USH2A: variants seen among roughly 807,000 people sequenced by gnomAD.
USH2A encodes the protein Usher syndrome 2A (autosomal recessive, mild).
A neutral mutation model predicts 538.9 loss-of-function variants in USH2A; 443 were observed. The observed-to-expected ratio is 0.82, with a 90% CI of 0.76 to 0.89. The LOEUF is 0.89. Ranked by LOEUF, USH2A falls within the 40% of genes least tolerant of loss-of-function variation. The probability of loss-of-function intolerance (pLI) is 0.00; values close to 1 mark genes in which losing one functional copy is unlikely to be tolerated. For missense variants in USH2A, 6,633 were observed against 6,324.8 expected, an observed-to-expected ratio of 1.05 and a Z score of -1.65; for synonymous variants, 2,413 against 2,273.5, an observed-to-expected ratio of 1.06 and a Z score of -1.75.
At chr1:216,405,606 A>G (rs146653097) in intron 3 of USH2A, among the ~76,000 whole-genome samples, 21 of 152,360 alleles carry the variant, frequency 1.4e-4, no homozygotes, top group African/African-American at 4.1e-4. Context: ...GTGGGATTCT[A>G]AAATGGAACA....
At chr1:215,830,177 A>G (rs766485159) in intron 47 of USH2A, among the ~76,000 whole-genome samples, 1 of 152,168 alleles carries the variant, frequency 6.6e-6, no homozygotes, top group Non-Finnish European at 1.5e-5. Flanking sequence ...GAACTAGGGA[A>G]GCAAAATCCT....
At position 215,999,039 on chromosome 1, in the gene USH2A, T is replaced by C. The variant is rs765627570; in HGVS notation, c.6505A>G (p.Ile2169Val). 1 of 1,611,694 alleles carries C rather than the reference T, an allele frequency of 6.2e-7. No homozygotes were observed. The highest frequency in any genetic ancestry group is 2.2e-5 in the East Asian group (1 of 44,754). Residue 2169 changes from isoleucine to valine, a missense_variant, in exon 34 of 72, where the codon ATA becomes GTA. Coordinates refer to ENST00000307340, the MANE Select transcript of USH2A (RefSeq NM_206933.4). ...IHIQWKQPRKISGILERYVLY... is the reference protein window; with the variant it reads ...IHIQWKQPRKVSGILERYVLY... ...ACATAGCGTTCCAGAATCCCACTTA[T>C]TTTTCTTGGTTGTTTCCACCTGGGA...
intron 32 of USH2A, among the ~76,000 whole-genome samples, chr1:216,040,256 T>G (rs2030216580): frequency 6.6e-6 from 1 of 152,036 alleles, no homozygotes; most frequent in Non-Finnish European, 1.5e-5. Context: ...GATGATACAT[T>G]TGAAAACACA....
Position 216,014,470 on chromosome 1 carries a change from TGA to T in USH2A, c.6326-13910_6326-13909del, listed in dbSNP as rs1668658791. On this transcript the variant is annotated intron_variant, in intron 32 of 71. Coordinates refer to ENST00000307340, the MANE Select transcript of USH2A (RefSeq NM_206933.4). The stretch of plus-strand genomic sequence containing the variant: ...ATTTGGTAATATGTCTCTATAGATG[TGA>T]TTAGGCACTTCAAGGGCAACACAAA... Among the ~76,000 whole-genome samples the T allele has an allele frequency of 2.6e-5, 4 of 152,300 alleles. No individual in the cohort carries two copies. The South Asian group carries it at 8.3e-4, about 32-fold the overall frequency.
intron 47 of USH2A, among the ~76,000 whole-genome samples, chr1:215,833,151 TCAATG>T (rs1663372011): frequency 6.6e-6 from 1 of 151,942 alleles, no homozygotes; most frequent in Admixed American, 6.6e-5. Flanking sequence ...ATCCACAAAT[TCAATG>T]CAGTTCTAAT....
At chr1:215,842,988 A>C (rs1276657416) in intron 46 of USH2A, among the ~76,000 whole-genome samples, 1 of 151,246 alleles carries the variant, frequency 6.6e-6, no homozygotes, top group Non-Finnish European at 1.5e-5. Flanking sequence ...CATTTAAATG[A>C]AAAAAAAAGA....
chr1:216,360,883 T>C (rs1235517650), intron 4 of USH2A, among the ~76,000 whole-genome samples: 1 of 152,072 alleles, frequency 6.6e-6, no homozygotes, highest in East Asian at 1.9e-4. Flanking sequence ...TACAAATGAG[T>C]AATTTAAATC....
chr1:216,327,730 T>C (rs1250733054), intron 4 of USH2A, 76 bp from the exon 5 acceptor site: 3 of 1,553,538 alleles, frequency 1.9e-6, no homozygotes, highest in Non-Finnish European at 1.8e-6. Context: ...TTAAGTGATA[T>C]TCCTTTGAAG....
At chr1:216,023,773 AAATT>A (rs555450274) in intron 32 of USH2A, among the ~76,000 whole-genome samples, 1 of 151,840 alleles carries the variant, frequency 6.6e-6, no homozygotes, top group Non-Finnish European at 1.5e-5. Flanking sequence ...TGTTAGCTAA[AAATT>A]AATAAAAGGG....
chr1:216,280,795 C>G (rs1480657516), intron 11 of USH2A, among the ~76,000 whole-genome samples: 2 of 152,162 alleles, frequency 1.3e-5, no homozygotes, highest in East Asian at 3.8e-4. Context: ...AGGGAAAGTT[C>G]CCTTCCAGAA....
intron 9 of USH2A, among the ~76,000 whole-genome samples, chr1:216,310,005 T>C (rs1409914972): frequency 1.3e-5 from 2 of 152,134 alleles, no homozygotes; most frequent in African/African-American, 4.8e-5. Context: ...GGTCTGTGGT[T>C]TTCTTTTCTT....
intron 20 of USH2A, among the ~76,000 whole-genome samples, chr1:216,179,719 A>G (rs764113844): frequency 6.6e-6 from 1 of 152,116 alleles, no homozygotes; most frequent in Non-Finnish European, 1.5e-5. Context: ...AGAAAAATAG[A>G]TACTTCTGAA....
At chr1:215,795,419 T>C (rs1028111401) in intron 50 of USH2A, among the ~76,000 whole-genome samples, 3 of 152,168 alleles carry the variant, frequency 2.0e-5, no homozygotes, top group African/African-American at 4.8e-5. Flanking sequence ...TCTCCTTGAT[T>C]AGGTTGTAAG....
intron 4 of USH2A, among the ~76,000 whole-genome samples, chr1:216,330,062 T>C (rs1324098908): frequency 2.0e-5 from 3 of 152,066 alleles, no homozygotes; most frequent in Non-Finnish European, 4.4e-5. Flanking sequence ...TTACCATAAC[T>C]GAAAGACAGC....
chr1:215,658,101 A>AT (rs1283803905), intron 64 of USH2A, among the ~76,000 whole-genome samples: 2 of 151,434 alleles, frequency 1.3e-5, no homozygotes, highest in African/African-American at 4.9e-5. Flanking sequence ...CGCCCGGCTA[A>AT]TTTTTTTGTA....
intron 58 of USH2A, among the ~76,000 whole-genome samples, chr1:215,744,327 T>C (rs1327839012): frequency 6.6e-6 from 1 of 152,208 alleles, no homozygotes; most frequent in Non-Finnish European, 1.5e-5. Flanking sequence ...CTAAAGAAAG[T>C]AGGTCTTGTC....
intron 3 of USH2A, among the ~76,000 whole-genome samples, chr1:216,367,999 T>C (rs931286828): frequency 1.3e-5 from 2 of 152,178 alleles, no homozygotes; most frequent in African/African-American, 4.8e-5. Context: ...CTTGAATGAA[T>C]GAATTGACAA....
rs140725344 is a variant in USH2A at position 215,992,506 on chromosome 1, T to C, written c.6805+514A>G. ...AGCTAAATATGTATAAATATATGTA[T>C]GTTTAATCTATGCATTGTTTAAAAA... On this transcript the variant is annotated intron_variant, in intron 35 of 71. Coordinates refer to ENST00000307340, the MANE Select transcript of USH2A (RefSeq NM_206933.4). 3.7e-3 allele frequency among the ~76,000 whole-genome samples: 559 copies of C among 152,336 alleles called. 2 individuals carry two copies. The highest frequency in any genetic ancestry group is 0.013 in the African/African-American group (538 of 41,592).
chr1:216,290,501 C>A (rs1192434575), intron 10 of USH2A, among the ~76,000 whole-genome samples: 1 of 152,074 alleles, frequency 6.6e-6, no homozygotes, highest in Non-Finnish European at 1.5e-5. Flanking sequence ...ATACACAATA[C>A]CCATTGCATC....
Sources: gnomAD v4.1 joint callset for allele counts (sites outside exome capture counted in the v4.1 genomes callset) on GRCh38, gnomAD v4.1.1 for gene constraint, MANE v1.5 for transcripts, NCBI Gene and HGNC (gene_info 2026-07-23, HGNC 2026-07-21) for gene names.